The following TCF12 variants were observed in gnomAD, a reference collection of about 807,000 sequenced individuals.
TCF12 encodes the protein transcription factor 12, also known as DNA-binding protein HTF4.
In TCF12, 45 loss-of-function variants were observed where a neutral mutation model predicts 86.0. The observed-to-expected ratio is 0.52, with a 90% CI of 0.41 to 0.67. TCF12 has a LOEUF of 0.67. Among genes scored for constraint, TCF12 ranks in the 30% least tolerant of loss-of-function variants. TCF12 has a pLI of 0.00. For synonymous variants in TCF12, 330 were observed against 299.6 expected, an observed-to-expected ratio of 1.10 and a Z score of -1.05; for missense variants, 881 against 859.9, an observed-to-expected ratio of 1.02 and a Z score of -0.31.
intron 3 of TCF12, among the ~76,000 whole-genome samples, chr15:57,050,713 T>G (rs2067554656): frequency 6.6e-6 from 1 of 152,188 alleles, no homozygotes; most frequent in Admixed American, 6.5e-5. Context: ...TTTTCATTAT[T>G]TTTTGTGCTT....
intron 6 of TCF12, among the ~76,000 whole-genome samples, chr15:57,176,199 A>C (rs1311518546): frequency 6.6e-6 from 1 of 152,180 alleles, no homozygotes; most frequent in Non-Finnish European, 1.5e-5. Flanking sequence ...CCCTGTCTCT[A>C]GAGAAAAAGA....
chr15:57,190,125 G>T (rs1276532066), intron 6 of TCF12, among the ~76,000 whole-genome samples: 2 of 152,108 alleles, frequency 1.3e-5, no homozygotes, highest in African/African-American at 4.8e-5. Context: ...TTTCGTTTTG[G>T]GGTGATGAGA....
At chr15:56,998,643 A>C (rs1357854343) in intron 3 of TCF12, among the ~76,000 whole-genome samples, 2 of 152,232 alleles carry the variant, frequency 1.3e-5, no homozygotes, top group South Asian at 2.1e-4. Context: ...AGTAGACAGA[A>C]TCACCGGGGG....
chr15:57,074,432 T>C (rs1365992490), intron 4 of TCF12, among the ~76,000 whole-genome samples: 1 of 151,978 alleles, frequency 6.6e-6, no homozygotes, highest in Non-Finnish European at 1.5e-5. Flanking sequence ...GTAGCTGTTT[T>C]GAATTCTTGG....
chr15:57,278,133 G>A (rs1007796067), intron 19 of TCF12, among the ~76,000 whole-genome samples: 3 of 151,952 alleles, frequency 2.0e-5, no homozygotes, highest in Admixed American at 6.5e-5. Context: ...CACCTGGCTC[G>A]TGTATATTTT....
chr15:57,195,911 G>A (rs2057241846), intron 7 of TCF12, among the ~76,000 whole-genome samples: 2 of 152,294 alleles, frequency 1.3e-5, no homozygotes, highest in South Asian at 4.2e-4. Context: ...GACCAAGGCA[G>A]GGGAATTGCT....
intron 3 of TCF12, among the ~76,000 whole-genome samples, chr15:57,050,679 AAC>A (rs2067550555): frequency 6.6e-6 from 1 of 152,132 alleles, no homozygotes; most frequent in Non-Finnish European, 1.5e-5. Context: ...AATGCTATCT[AAC>A]AGGTAGCTGA....
intron 3 of TCF12, among the ~76,000 whole-genome samples, chr15:56,998,773 G>A (rs1209729668): frequency 6.6e-6 from 1 of 152,110 alleles, no homozygotes; most frequent in Non-Finnish European, 1.5e-5. Context: ...AAGACAGACT[G>A]TATCTCGGTC....
intron 8 of TCF12, among the ~76,000 whole-genome samples, chr15:57,218,131 G>A (rs1160120266): frequency 6.6e-6 from 1 of 152,076 alleles, no homozygotes; most frequent in African/African-American, 2.4e-5. Flanking sequence ...GAGGTTGGGG[G>A]GATAGGGGGT....
Position 57,219,132 on chromosome 15 carries a change from A to C in TCF12, c.580-12020A>C, listed in dbSNP as rs1271476194. 8 of 1,064,628 alleles carry C rather than the reference A, an allele frequency of 7.5e-6. No individual in the cohort carries two copies. In the African/African-American group the frequency reaches 1.3e-4, roughly 17 times the overall value. The allele number at this position is 1,064,628 out of a possible 1,614,324, so 65.9% of individuals were successfully genotyped here. A position where few individuals can be genotyped will look rare whatever the true frequency, so the allele number is the denominator to read the frequency against. On this transcript the variant is annotated intron_variant, in intron 8 of 20. Transcript: ENST00000333725. ...ATTTAATTAAAACTAAAAACAGATT[A>C]GCAGAAAATCTGTCAGTATGCCTTC...
chr15:57,077,325 ATATGTGTGTGTGTGTG>A (rs1204039197), intron 4 of TCF12, among the ~76,000 whole-genome samples: 6,598 of 127,208 alleles, frequency 0.052, 523 homozygotes, highest in Middle Eastern at 0.07. Context: ...ATATGTATAT[ATATGTGTGTGTGTGTG>A]TGTGTGTGTG....
chr15:57,120,229 C>T (rs2051133859), intron 5 of TCF12, among the ~76,000 whole-genome samples: 1 of 152,200 alleles, frequency 6.6e-6, no homozygotes, highest in South Asian at 2.1e-4. Flanking sequence ...CCATGCTTGT[C>T]TTTTCTAGAA....
chr15:57,156,964 A>C (rs2054153268), intron 5 of TCF12, among the ~76,000 whole-genome samples: 1 of 152,174 alleles, frequency 6.6e-6, no homozygotes, highest in African/African-American at 2.4e-5. Context: ...TAAATTATTT[A>C]AGAGTGTGAA....
rs950418647 is a variant in TCF12, at chr15:57,048,363, G to A, written c.149-15387G>A. Among the ~76,000 whole-genome samples, 15 of 152,234 alleles carry A rather than the reference G, an allele frequency of 9.9e-5. No homozygotes were observed. In the East Asian group the frequency reaches 2.1e-3, roughly 22 times the overall value. On this transcript the variant is annotated intron_variant, in intron 3 of 20. Coordinates refer to ENST00000333725, the MANE Select transcript of TCF12 (RefSeq NM_207037.2). ...TGTAAGCTCCGCCTCCCAGGTTCAC[G>A]CCATTCTCCTGCCTCAGCCTCACAA... is the stretch of plus-strand genomic sequence containing the variant.
intron 4 of TCF12, among the ~76,000 whole-genome samples, chr15:57,086,897 A>T (rs1443859193): frequency 6.6e-6 from 1 of 152,148 alleles, no homozygotes; most frequent in Non-Finnish European, 1.5e-5. Flanking sequence ...TGGATGAGAT[A>T]AATTTTTTAA....
At chr15:57,127,112 A>G (rs546382244) in intron 5 of TCF12, among the ~76,000 whole-genome samples, 1 of 151,564 alleles carries the variant, frequency 6.6e-6, no homozygotes, top group South Asian at 2.1e-4. Context: ...CCTCCTGAGT[A>G]GCTGGGATTA....
intron 5 of TCF12, among the ~76,000 whole-genome samples, chr15:57,113,424 G>A (rs537180705): frequency 3.9e-5 from 6 of 152,226 alleles, no homozygotes; most frequent in Non-Finnish European, 5.9e-5. Flanking sequence ...TTGAGGGCAG[G>A]TCTCCTTGTT....
At chr15:57,115,424 G>T (rs2050772902) in intron 5 of TCF12, among the ~76,000 whole-genome samples, 1 of 152,214 alleles carries the variant, frequency 6.6e-6, no homozygotes, top group Non-Finnish European at 1.5e-5. Flanking sequence ...GACATTAGTG[G>T]CATTAGCATC....
intron 5 of TCF12, among the ~76,000 whole-genome samples, chr15:57,103,453 G>A (rs2049900391): frequency 6.6e-6 from 1 of 152,154 alleles, no homozygotes; most frequent in Non-Finnish European, 1.5e-5. Flanking sequence ...AGTGGCACCT[G>A]CTGTAGTCCC....
Sources: allele counts gnomAD v4.1 joint callset (sites outside exome capture counted in the v4.1 genomes callset), GRCh38; gene constraint gnomAD v4.1.1; transcripts MANE v1.5; gene names NCBI Gene and HGNC (gene_info 2026-07-23, HGNC 2026-07-21).